The following NUMB variants were observed in gnomAD, a reference collection of about 807,000 sequenced individuals.
NUMB encodes the protein NUMB endocytic adaptor protein, also known as protein numb homolog.
A neutral mutation model predicts 59.7 loss-of-function variants in NUMB; 29 were observed. The ratio of observed to expected loss-of-function variants is 0.49; its 90% confidence interval spans 0.36 to 0.66. NUMB has a LOEUF of 0.66. Ranked by LOEUF, NUMB falls within the 30% of genes least tolerant of loss-of-function variation. The pLI, the probability that NUMB is intolerant of heterozygous loss-of-function variation, is 0.00. For missense variants in NUMB, 723 were observed against 822.0 expected, an observed-to-expected ratio of 0.88 and a Z score of 1.47; for synonymous variants, 288 against 288.2, an observed-to-expected ratio of 1.00 and a Z score of 0.01.
At chr14:73,400,044 CAAAAACAAAA>C (rs941131115) in intron 2 of NUMB, among the ~76,000 whole-genome samples, 1 of 149,910 alleles carries the variant, frequency 6.7e-6, no homozygotes, top group Non-Finnish European at 1.5e-5. Context: ...GTCTCAAAAA[CAAAAACAAAA>C]AAAAACAAAA....
intron 4 of NUMB, among the ~76,000 whole-genome samples, chr14:73,345,225 C>T (rs1277011259): frequency 6.6e-6 from 1 of 152,268 alleles, no homozygotes; most frequent in South Asian, 2.1e-4. Flanking sequence ...AAGTCATTAT[C>T]CTAGCGAATT....
At chr14:73,425,337 G>A (rs1483219721) in intron 1 of NUMB, among the ~76,000 whole-genome samples, 1 of 152,064 alleles carries the variant, frequency 6.6e-6, no homozygotes, top group Non-Finnish European at 1.5e-5. Flanking sequence ...AGGTACCTAG[G>A]ATATAGATTA....
intron 4 of NUMB, among the ~76,000 whole-genome samples, chr14:73,352,477 CATAT>C (rs1170959840): frequency 0.011 from 134 of 12,618 alleles, 2 homozygotes; most frequent in Non-Finnish European, 0.018. Context: ...CACACACACA[CATAT>C]ATATATATAT....
chr14:73,317,948 T>G (rs1891177078), intron 5 of NUMB, among the ~76,000 whole-genome samples: 1 of 152,196 alleles, frequency 6.6e-6, no homozygotes, highest in East Asian at 1.9e-4. Flanking sequence ...TATTCAGTGC[T>G]CTCCAACACT....
chr14:73,335,277 T>C (rs1475923363), intron 4 of NUMB, among the ~76,000 whole-genome samples: 1 of 122,660 alleles, frequency 8.2e-6, no homozygotes, highest in Non-Finnish European at 1.6e-5. Context: ...TGGTCACATA[T>C]AGCTATTTAT....
At chr14:73,294,054 T>A (rs142451759) in intron 7 of NUMB, among the ~76,000 whole-genome samples, 4 of 152,356 alleles carry the variant, frequency 2.6e-5, no homozygotes, top group African/African-American at 7.2e-5. Flanking sequence ...GTATGCTGAG[T>A]AACTGCATTG....
chr14:73,369,813 T>C (rs1392175772), intron 2 of NUMB, among the ~76,000 whole-genome samples: 1 of 152,066 alleles, frequency 6.6e-6, no homozygotes, highest in African/African-American at 2.4e-5. Context: ...ACACATATAA[T>C]TAGAATCCAG....
chr14:73,329,398 A>G (rs897683743), intron 4 of NUMB, among the ~76,000 whole-genome samples: 3 of 152,158 alleles, frequency 2.0e-5, no homozygotes, highest in African/African-American at 7.2e-5. Context: ...TAGTAGTGCT[A>G]AATACATATT....
chr14:73,315,864 T>A (rs1891057936), intron 6 of NUMB, among the ~76,000 whole-genome samples: 1 of 152,190 alleles, frequency 6.6e-6, no homozygotes, highest in Non-Finnish European at 1.5e-5. Flanking sequence ...AATCCTCTTT[T>A]AACCTACTTG....
At chr14:73,422,926 CTG>C (rs1425703206) in intron 1 of NUMB, among the ~76,000 whole-genome samples, 1 of 125,662 alleles carries the variant, frequency 8.0e-6, no homozygotes, top group Non-Finnish European at 1.7e-5. Flanking sequence ...AAAAAAAAAA[CTG>C]TTATATTCCC....
At chr14:73,350,732 T>C (rs899776639) in intron 4 of NUMB, among the ~76,000 whole-genome samples, 4 of 150,184 alleles carry the variant, frequency 2.7e-5, no homozygotes, top group Admixed American at 6.7e-5. Flanking sequence ...TCTCACCATG[T>C]TGCCCAGGCT....
chr14:73,394,004 T>G (rs945601586), intron 2 of NUMB, among the ~76,000 whole-genome samples: 2 of 152,236 alleles, frequency 1.3e-5, no homozygotes, highest in Admixed American at 1.3e-4. Context: ...TTCACTCTTG[T>G]GCCCAGGCTG....
chr14:73,436,005 CAA>C (rs763169931), intron 1 of NUMB, among the ~76,000 whole-genome samples: 19 of 92,098 alleles, frequency 2.1e-4, no homozygotes, highest in African/African-American at 1.6e-4. Context: ...GACTCTGTTT[CAA>C]AAAAAAAAAA....
intron 1 of NUMB, among the ~76,000 whole-genome samples, chr14:73,419,477 C>A (rs1047916119): frequency 6.6e-6 from 1 of 152,038 alleles, no homozygotes; most frequent in Non-Finnish European, 1.5e-5. Flanking sequence ...CCACTGCACT[C>A]CAGCCTGGGC....
chr14:73,399,861 T>C (rs1212209301), intron 2 of NUMB, among the ~76,000 whole-genome samples: 1 of 152,022 alleles, frequency 6.6e-6, no homozygotes, highest in Non-Finnish European at 1.5e-5. Context: ...CTAGCCAACA[T>C]GGAGAAACCC....
intron 6 of NUMB, among the ~76,000 whole-genome samples, chr14:73,305,631 C>T (rs558280935): frequency 6.6e-5 from 10 of 152,204 alleles, no homozygotes; most frequent in African/African-American, 2.4e-4. Context: ...TATAAAGACA[C>T]ATGGAAACAT....
chr14:73,282,236 T>C, intron 11 of NUMB, 123 bp downstream of exon 11: 1 of 806,562 alleles, frequency 1.2e-6, no homozygotes, highest in East Asian at 2.8e-5. Flanking sequence ...AGACATCAAA[T>C]AGAGAAATTA....
At chr14:73,303,927 C>T (rs1366954259) in intron 6 of NUMB, among the ~76,000 whole-genome samples, 1 of 152,166 alleles carries the variant, frequency 6.6e-6, no homozygotes, top group African/African-American at 2.4e-5. Context: ...AATTACTCTA[C>T]ACTATAAATA....
chr14:73,282,302 GTGTACTAAAAGTACTGGT>G, intron 11 of NUMB, 39 bp downstream of exon 11: 1 of 1,571,796 alleles, frequency 6.4e-7, no homozygotes, highest in Non-Finnish European at 8.7e-7. Context: ...TTAGTGAGCA[GTGTACTAAAAGTACTGGT>G]TGTAAAGAGA....
Sources: gnomAD v4.1 joint callset for allele counts (sites outside exome capture counted in the v4.1 genomes callset) on GRCh38, gnomAD v4.1.1 for gene constraint, MANE v1.5 for transcripts, NCBI Gene and HGNC (gene_info 2026-07-23, HGNC 2026-07-21) for gene names.